The following CFAP47 variants were observed in gnomAD, a reference collection of about 807,000 sequenced individuals.
The protein encoded by CFAP47 is cilia and flagella associated protein 47.
CFAP47 carries 29 observed loss-of-function variants against 148.1 expected under a neutral mutation model. The ratio of observed to expected loss-of-function variants is 0.20; its 90% CI spans 0.15 to 0.27. The LOEUF is 0.27. Ranked by LOEUF, CFAP47 falls within the 10% of genes least tolerant of loss-of-function variation. The pLI is 1.00. For synonymous variants in CFAP47, 664 were observed against 577.3 expected, an observed-to-expected ratio of 1.15 and a Z score of -2.15; for missense variants, 1,872 against 1,697.5, an observed-to-expected ratio of 1.10 and a Z score of -1.81.
At chrX:35,931,632 T>C (rs959026096) in intron 2 of CFAP47, among the ~76,000 whole-genome samples, 1 of 111,911 alleles carries the variant, frequency 8.9e-6, no homozygotes, top group Non-Finnish European at 1.9e-5. Context: ...TGTAGGTTAA[T>C]TGAAGGTTAT....
chrX:36,341,037 CTTT>C lies in CFAP47; in HGVS notation c.8444-7077_8444-7075del, dbSNP rs11450233. Among the ~76,000 whole-genome samples the C allele has an allele frequency of 5.4e-3, 482 of 89,570 alleles. 1 individual carries two copies. The highest frequency in any genetic ancestry group is 0.02 in the African/African-American group (458 of 23,078). The allele number at this position is 89,570 out of a possible 115,157, so 77.8% of individuals were successfully genotyped here. The stretch of plus-strand genomic sequence containing the variant: ...GGTGCTAGTATATTTCTTTTCTTTT[CTTT>C]TTTTTTTTTTTTTTGAGGCAAAGTC... On this transcript the variant is annotated intron_variant, in intron 57 of 63. Transcript: ENST00000378653.
intron 33 of CFAP47, among the ~76,000 whole-genome samples, chrX:36,116,951 A>G (rs1938651269): frequency 9.0e-6 from 1 of 111,532 alleles, no homozygotes; most frequent in Admixed American, 9.6e-5. Context: ...CTATAGTCCC[A>G]TGAGTTCAAT....
Position 36,294,525 on chromosome X carries a change from A to G in CFAP47, c.7687-4452A>G, listed in dbSNP as rs887724654. Among the ~76,000 whole-genome samples the G allele has an allele frequency of 8.1e-5, 9 of 110,615 alleles. No individual in the cohort carries two copies. In the East Asian group the frequency reaches 2.6e-3, roughly 32 times the overall value. The stretch of plus-strand genomic sequence containing the variant: ...GGAGGTCGAGACCATCCTGGCTAAC[A>G]CGGTGAAACCCCGTCTCTACTAAAA... On this transcript the variant is annotated intron_variant, in intron 51 of 63. Transcript: ENST00000378653.
At chrX:35,922,399 A>G (rs777522000) in intron 1 of CFAP47, among the ~76,000 whole-genome samples, 26 of 112,550 alleles carry the variant, frequency 2.3e-4, no homozygotes, top group Non-Finnish European at 4.7e-4. Context: ...TTCAGCTCAT[A>G]AACTGCTAAG....
chrX:36,043,497 A>C (rs989182316), intron 25 of CFAP47, among the ~76,000 whole-genome samples: 6 of 113,025 alleles, frequency 5.3e-5, no homozygotes, highest in Non-Finnish European at 1.1e-4. Flanking sequence ...AATAGGAGAA[A>C]TTGGCCAAAA....
At chrX:36,068,754 G>A (rs192715766) in intron 27 of CFAP47, among the ~76,000 whole-genome samples, 5 of 107,750 alleles carry the variant, frequency 4.6e-5, no homozygotes, top group Admixed American at 2.0e-4. Flanking sequence ...TCAAGAGATC[G>A]AGACCATCCT....
chrX:36,265,144 G>A (rs1940875468), intron 49 of CFAP47, among the ~76,000 whole-genome samples: 1 of 105,753 alleles, frequency 9.5e-6, no homozygotes, highest in South Asian at 4.5e-4. Flanking sequence ...TGTATTTCTA[G>A]GTAGTTTATA....
intron 57 of CFAP47, among the ~76,000 whole-genome samples, chrX:36,336,748 A>G (rs1556014913): frequency 8.9e-6 from 1 of 111,859 alleles, no homozygotes; most frequent in Non-Finnish European, 1.9e-5. Context: ...GTTGACATGT[A>G]TAATTTAGTT....
rs116378297 is a variant in CFAP47, at chrX:36,265,184, G to A, written c.7444+13740G>A. On this transcript the variant is annotated intron_variant, in intron 49 of 63. Coordinates refer to ENST00000378653, the MANE Select transcript of CFAP47 (RefSeq NM_001304548.2). ...TTGTGCCTATTATAAAAAGGACTGTGTTCTTGATTTGGCTCTGAATTAGGA... is the reference window on the plus strand; with the variant it reads ...TTGTGCCTATTATAAAAAGGACTGTATTCTTGATTTGGCTCTGAATTAGGA... Among the ~76,000 whole-genome samples the A allele has an allele frequency of 7.1e-4, 79 of 111,967 alleles. 1 individual carries two copies. Among genetic ancestry groups the A allele is most frequent in the African/African-American group, 2.5e-3 (78 of 30,781 alleles).
At chrX:36,184,037 A>G (rs1468651436) in intron 40 of CFAP47, among the ~76,000 whole-genome samples, 1 of 110,661 alleles carries the variant, frequency 9.0e-6, no homozygotes, top group Non-Finnish European at 1.9e-5. Flanking sequence ...CCCTCGAGGA[A>G]CCAATCATCA....
chrX:35,984,595 A>G (rs1044455499), intron 15 of CFAP47, among the ~76,000 whole-genome samples: 2 of 111,703 alleles, frequency 1.8e-5, no homozygotes, highest in African/African-American at 6.5e-5. Context: ...GTTTAGCACT[A>G]TAAAATTTCT....
intron 55 of CFAP47, among the ~76,000 whole-genome samples, chrX:36,309,663 C>T (rs782402836): frequency 3.8e-4 from 42 of 110,864 alleles, no homozygotes; most frequent in African/African-American, 1.1e-3. Context: ...GAAACCATGA[C>T]CTTCTTTTTG....
chrX:35,930,440 G>A (rs749606675), intron 2 of CFAP47, among the ~76,000 whole-genome samples: 5 of 110,740 alleles, frequency 4.5e-5, no homozygotes, highest in Admixed American at 3.9e-4. Context: ...TCATTGTATG[G>A]TTTAGCTATC....
intron 57 of CFAP47, among the ~76,000 whole-genome samples, chrX:36,336,422 C>A (rs1034050648): frequency 9.0e-6 from 1 of 111,030 alleles, no homozygotes; most frequent in Non-Finnish European, 1.9e-5. Flanking sequence ...TTGGTTTCAC[C>A]TCCTCATTGT....
intron 32 of CFAP47, 141 bp downstream of exon 32, chrX:36,100,020 G>T: frequency 2.7e-6 from 1 of 364,847 alleles, no homozygotes; most frequent in Non-Finnish European, 4.7e-6. Context: ...CTTTCTCATG[G>T]AACTGCTGAG....
Position 36,065,084 on chromosome X carries a change from A to G in CFAP47, c.4218-559A>G, listed in dbSNP as rs184673381. ...ACCTGGCAGTAGAAAGAATCCTTGA[A>G]TGTTCTAAATTTCTGAAATCTGAAC... is the stretch of plus-strand genomic sequence containing the variant. On this transcript the variant is annotated intron_variant, in intron 26 of 63. Transcript: ENST00000378653. Among the ~76,000 whole-genome samples the G allele has an allele frequency of 6.4e-3, 716 of 112,214 alleles. 4 individuals are homozygous for G. Among genetic ancestry groups the G allele is most frequent in the African/African-American group, 0.021 (643 of 30,976 alleles).
chrX:36,211,085 T>G, intron 45 of CFAP47: 2 of 212,771 alleles, frequency 9.4e-6, no homozygotes, highest in Admixed American at 5.1e-5. Context: ...TGGGCAATTC[T>G]GTGCCTCACT....
intron 29 of CFAP47, among the ~76,000 whole-genome samples, chrX:36,075,878 G>C (rs1937844411): frequency 9.0e-6 from 1 of 111,654 alleles, no homozygotes; most frequent in Non-Finnish European, 1.9e-5. Flanking sequence ...CTTTTTTATG[G>C]TTTCATAGTA....
At position 35,966,665 on chromosome X, in the gene CFAP47, T is replaced by C. The variant is rs1245796900; in HGVS notation, c.1511T>C (p.Leu504Ser). The stretch of plus-strand genomic sequence containing the variant: ...GTGGCAGAAGAAGATTTGCAATCTT[T>C]GTCGGTAAAATCTTTCCATCACGTA... ...GLVAEEDLQS[L>S]SVKSFHHVYL... The change falls in exon 9 of 64, where the codon TTG (leucine) becomes TCG (serine). Residue 504 changes from leucine to serine, a missense_variant. Leu to Ser is a moderately radical substitution (Grantham distance 145, BLOSUM62 -2). Coordinates refer to ENST00000378653, the MANE Select transcript of CFAP47 (RefSeq NM_001304548.2). The C allele has an allele frequency of 8.4e-7, 1 of 1,185,827 alleles. No individual in the cohort carries two copies.
Sources: allele counts gnomAD v4.1 joint callset (sites outside exome capture counted in the v4.1 genomes callset), GRCh38; gene constraint gnomAD v4.1.1; transcripts MANE v1.5; gene names NCBI Gene and HGNC (gene_info 2026-07-23, HGNC 2026-07-21).